GOLM2: variants seen among roughly 807,000 people sequenced by gnomAD.
GOLM2 encodes the protein golgi membrane protein 2.
A neutral mutation model predicts 55.9 loss-of-function variants in GOLM2; 26 were observed. That is an observed-to-expected ratio of 0.47 (90% CI 0.34 to 0.65). GOLM2 has a LOEUF of 0.65. Among genes scored for constraint, GOLM2 ranks in the 30% least tolerant of loss-of-function variants. GOLM2 has a pLI of 0.01. For missense variants in GOLM2, 486 were observed against 531.8 expected (o/e 0.91, Z 0.85); for synonymous variants, 165 against 194.6 (o/e 0.85, Z 1.27).
At chr15:44,300,180 G>A (rs1324489397) in intron 1 of GOLM2, among the ~76,000 whole-genome samples, 1 of 149,876 alleles carries the variant, frequency 6.7e-6, no homozygotes, top group African/African-American at 2.5e-5. Context: ...GGAAGGAAGG[G>A]AGGGAAGGAA....
chr15:44,373,110 A>G (rs1296582473), intron 6 of GOLM2, among the ~76,000 whole-genome samples: 3 of 152,246 alleles, frequency 2.0e-5, no homozygotes, highest in African/African-American at 7.2e-5. Context: ...TGTAAGCTTC[A>G]TAGGACAATA....
At position 44,402,966 on chromosome 15, in the gene GOLM2, T is replaced by C. The variant is rs1367308690; in HGVS notation, c.1152T>C (p.Gly384=). 1 of 1,613,950 alleles carries C rather than the reference T, an allele frequency of 6.2e-7. No homozygotes were observed. The highest frequency in any genetic ancestry group is 1.7e-5 in the Admixed American group (1 of 59,972). ...TGGCGGATTATAATGGGGATGATGG[T>C]AACGTAGGTGAGTATGAGGCAGACA... is the stretch of plus-strand genomic sequence containing the variant. ...SKLADYNGDD[G]NVGEYEADKQ... The change falls in exon 9 of 10, where the codon GGT becomes GGC. Residue 384 remains glycine (G), a synonymous_variant. Transcript: ENST00000299957.
At chr15:44,398,051 G>C (rs1337797684) in intron 8 of GOLM2, among the ~76,000 whole-genome samples, 1 of 152,116 alleles carries the variant, frequency 6.6e-6, no homozygotes, top group African/African-American at 2.4e-5. Context: ...AGATACTGTA[G>C]GGCATAAGGC....
In GOLM2 at chr15:44,414,497, A is replaced by C. The variant is rs1182120463; in HGVS notation, c.*1091A>C. Reference sequence around the variant, plus strand: ...TTTAACTATAGCCAGAACTGGCTAAAATTTTTATATTTTCAGAGTTGAAGT... The same window carrying C: ...TTTAACTATAGCCAGAACTGGCTAACATTTTTATATTTTCAGAGTTGAAGT... On this transcript the variant is annotated 3_prime_UTR_variant, in exon 10 of 10. Transcript: ENST00000299957. 6.6e-6 allele frequency: 1 copy of C among 152,202 alleles called. No individual in the cohort carries two copies. Among genetic ancestry groups the C allele is most frequent in the Non-Finnish European group, 1.5e-5 (1 of 68,036 alleles). 9.4% of individuals were successfully genotyped at this position (152,202 alleles called of 1,614,324 possible). A position where few individuals can be genotyped will look rare whatever the true frequency, so the allele number is the denominator to read the frequency against.
chr15:44,365,097 A>G (rs1367186737), intron 6 of GOLM2, among the ~76,000 whole-genome samples: 2 of 152,234 alleles, frequency 1.3e-5, no homozygotes, highest in Admixed American at 1.3e-4. Context: ...AAATGTTTAT[A>G]GAAGCTTTAT....
At chr15:44,374,652 A>G (rs1444179799) in intron 6 of GOLM2, among the ~76,000 whole-genome samples, 1 of 152,202 alleles carries the variant, frequency 6.6e-6, no homozygotes, top group African/African-American at 2.4e-5. Flanking sequence ...AAGCAAGCAC[A>G]TCTTCACATG....
chr15:44,359,874 C>T (rs1456878406), intron 6 of GOLM2, among the ~76,000 whole-genome samples: 3 of 152,268 alleles, frequency 2.0e-5, no homozygotes, highest in Non-Finnish European at 4.4e-5. Flanking sequence ...CTCGATAAGC[C>T]AGAAGAGAGT....
chr15:44,319,945 T>C (rs1195188994), intron 1 of GOLM2, among the ~76,000 whole-genome samples: 4 of 152,216 alleles, frequency 2.6e-5, no homozygotes, highest in African/African-American at 9.6e-5. Flanking sequence ...CCATAAAATT[T>C]ATCCTGTTCA....
intron 1 of GOLM2, among the ~76,000 whole-genome samples, chr15:44,291,208 G>C (rs1042856157): frequency 2.6e-5 from 4 of 151,032 alleles, no homozygotes; most frequent in African/African-American, 9.8e-5. Flanking sequence ...TTGAAATCCT[G>C]AGCTCAAGTG....
chr15:44,378,059 A>ATTTATTTATTTT, intron 6 of GOLM2, among the ~76,000 whole-genome samples: 1 of 149,122 alleles, frequency 6.7e-6, no homozygotes, highest in East Asian at 2.0e-4. Context: ...TTATTTATTT[A>ATTTATTTATTTT]TTTTTTTGAG....
intron 6 of GOLM2, among the ~76,000 whole-genome samples, chr15:44,351,218 A>T (rs1211467684): frequency 6.6e-6 from 1 of 152,126 alleles, no homozygotes; most frequent in Non-Finnish European, 1.5e-5. Context: ...AGGTGAAAGG[A>T]TTCCCACTTT....
At chr15:44,299,405 G>C (rs1029269464) in intron 1 of GOLM2, among the ~76,000 whole-genome samples, 35 of 151,730 alleles carry the variant, frequency 2.3e-4, no homozygotes, top group African/African-American at 8.5e-4. Context: ...TGGTTCTCCT[G>C]CTTCTTCCTT....
intron 1 of GOLM2, among the ~76,000 whole-genome samples, chr15:44,314,732 C>T (rs1159846681): frequency 6.6e-6 from 1 of 152,048 alleles, no homozygotes; most frequent in African/African-American, 2.4e-5. Flanking sequence ...AATCACCTAC[C>T]AGGTCTAGTA....
At chr15:44,332,254 A>G (rs748764375) in intron 4 of GOLM2, among the ~76,000 whole-genome samples, 176 bp downstream of exon 4, 10 of 152,128 alleles carry the variant, frequency 6.6e-5, no homozygotes, top group Non-Finnish European at 1.0e-4. Flanking sequence ...TTGCAAAAAT[A>G]TAATCTTAAT....
chr15:44,399,484 A>G (rs2079550948), intron 8 of GOLM2, among the ~76,000 whole-genome samples: 1 of 152,204 alleles, frequency 6.6e-6, no homozygotes, highest in Non-Finnish European at 1.5e-5. Flanking sequence ...CTGAGTATCT[A>G]TGTAATTATA....
chr15:44,332,899 A>G (rs2079031738), intron 4 of GOLM2, among the ~76,000 whole-genome samples: 1 of 152,096 alleles, frequency 6.6e-6, no homozygotes, highest in African/African-American at 2.4e-5. Flanking sequence ...AATAGAGGAA[A>G]TTGTCTGAAG....
At chr15:44,377,565 G>A (rs751161352) in intron 6 of GOLM2, among the ~76,000 whole-genome samples, 3 of 151,952 alleles carry the variant, frequency 2.0e-5, no homozygotes, top group African/African-American at 7.3e-5. Context: ...GTAGAGATGG[G>A]GTTTTGCTGT....
intron 8 of GOLM2, among the ~76,000 whole-genome samples, chr15:44,384,894 C>G (rs1177403394): frequency 6.7e-6 from 1 of 149,310 alleles, no homozygotes; most frequent in Non-Finnish European, 1.5e-5. Flanking sequence ...GGCAACAGAG[C>G]GAGACTGCAT....
intron 1 of GOLM2, among the ~76,000 whole-genome samples, chr15:44,305,912 T>C (rs1407204064): frequency 1.3e-5 from 2 of 152,158 alleles, no homozygotes; most frequent in Admixed American, 1.3e-4. Flanking sequence ...ACTGAAAATA[T>C]TCAGTAAACC....
Sources: gnomAD v4.1 joint callset for allele counts (sites outside exome capture counted in the v4.1 genomes callset) on GRCh38, gnomAD v4.1.1 for gene constraint, MANE v1.5 for transcripts, NCBI Gene and HGNC (gene_info 2026-07-23, HGNC 2026-07-21) for gene names.